TCF7L2: variants seen among roughly 807,000 people sequenced by gnomAD.
The protein encoded by TCF7L2 is transcription factor 7-like 2.
A neutral mutation model predicts 77.9 loss-of-function variants in TCF7L2; 23 were observed. The observed-to-expected ratio is 0.30, with a 90% CI of 0.21 to 0.42. The LOEUF (loss-of-function observed/expected upper bound fraction) is 0.42. Among genes scored for constraint, TCF7L2 ranks in the 10% least tolerant of loss-of-function variants. The probability of loss-of-function intolerance (pLI) is 1.00; values close to 1 mark genes in which losing one functional copy is unlikely to be tolerated. For synonymous variants in TCF7L2, 413 were observed against 340.2 expected, an observed-to-expected ratio of 1.21 and a Z score of -2.36; for missense variants, 654 against 793.1, an observed-to-expected ratio of 0.82 and a Z score of 2.11.
intron 8 of TCF7L2, among the ~76,000 whole-genome samples, chr10:113,150,659 A>C (rs2070557804): frequency 6.6e-6 from 1 of 152,216 alleles, no homozygotes; most frequent in African/African-American, 2.4e-5. Context: ...CTTAGATGCC[A>C]CTAATAATGC....
intron 5 of TCF7L2, among the ~76,000 whole-genome samples, chr10:113,123,481 C>T (rs2065105685): frequency 6.6e-6 from 1 of 152,132 alleles, no homozygotes; most frequent in African/African-American, 2.4e-5. Flanking sequence ...TCTAGATAAA[C>T]AGGTGATGGG....
At chr10:113,112,987 C>T (rs775803959) in intron 5 of TCF7L2, among the ~76,000 whole-genome samples, 28 of 152,126 alleles carry the variant, frequency 1.8e-4, no homozygotes, top group Non-Finnish European at 2.9e-4. Context: ...CCTCTGCTTC[C>T]AATTCATTTG....
At chr10:113,069,336 C>T (rs2057664653) in intron 5 of TCF7L2, among the ~76,000 whole-genome samples, 1 of 151,880 alleles carries the variant, frequency 6.6e-6, no homozygotes, top group Non-Finnish European at 1.5e-5. Flanking sequence ...TCAAGCAATT[C>T]TCCTGCCTCA....
At chr10:113,118,310 G>A (rs2136229669) in intron 5 of TCF7L2, among the ~76,000 whole-genome samples, 1 of 152,282 alleles carries the variant, frequency 6.6e-6, no homozygotes, top group African/African-American at 2.4e-5. Flanking sequence ...TGTCTGTCTT[G>A]AGGTGATCAG....
chr10:113,123,676 A>G (rs1178675712), intron 5 of TCF7L2, among the ~76,000 whole-genome samples: 1 of 152,210 alleles, frequency 6.6e-6, no homozygotes, highest in African/African-American at 2.4e-5. Context: ...ATATATCCTT[A>G]AGTGAATCAT....
intron 4 of TCF7L2, 82 bp downstream of exon 4, chr10:112,964,706 A>G: frequency 1.8e-6 from 2 of 1,091,798 alleles, no homozygotes; most frequent in Non-Finnish European, 2.7e-6. Flanking sequence ...CCTTCCCCCA[A>G]CTGAGATAAT....
At chr10:113,000,925 C>T (rs1013356539) in intron 4 of TCF7L2, among the ~76,000 whole-genome samples, 9 of 152,340 alleles carry the variant, frequency 5.9e-5, no homozygotes, top group Middle Eastern at 3.4e-3. Flanking sequence ...CTTCACTTCC[C>T]GGCCTTCCAC....
Position 112,963,447 on chromosome 10 carries a change from C to T in TCF7L2, c.382-1109C>T, listed in dbSNP as rs544359985. The stretch of plus-strand genomic sequence containing the variant: ...AGTAGTAATAGCACAGGAGTAGTAA[C>T]GGTAGTTTATTATAATACTACAGAT... On this transcript the variant is annotated intron_variant, in intron 3 of 13. Coordinates refer to ENST00000627217, the MANE Select transcript of TCF7L2 (RefSeq NM_001146274.2). Among the ~76,000 whole-genome samples, 7 of 152,236 alleles carry T rather than the reference C, an allele frequency of 4.6e-5. 2 individuals carry two copies. The highest frequency in any genetic ancestry group is 1.9e-4 in the East Asian group (1 of 5,180).
chr10:112,993,201 G>C (rs1252227751), intron 4 of TCF7L2, among the ~76,000 whole-genome samples: 1 of 152,186 alleles, frequency 6.6e-6, no homozygotes, highest in Non-Finnish European at 1.5e-5. Flanking sequence ...CCTGGAGAAT[G>C]GGTCTTTATT....
chr10:113,089,435 T>C, intron 5 of TCF7L2: 1 of 1,613,824 alleles, frequency 6.2e-7, no homozygotes, highest in Non-Finnish European at 8.5e-7. Flanking sequence ...GACATGACTG[T>C]CAGCACTTCT....
intron 5 of TCF7L2, among the ~76,000 whole-genome samples, chr10:113,114,995 G>T (rs1234155874): frequency 2.0e-5 from 3 of 152,164 alleles, no homozygotes; most frequent in Admixed American, 2.0e-4. Flanking sequence ...AGTTCTAATT[G>T]CAGTTAAAAC....
intron 4 of TCF7L2, among the ~76,000 whole-genome samples, chr10:113,022,284 C>T (rs917753675): frequency 9.9e-5 from 15 of 152,096 alleles, no homozygotes; most frequent in African/African-American, 3.1e-4. Context: ...TCTGTGTGTC[C>T]GCTGTGGGCA....
intron 4 of TCF7L2, among the ~76,000 whole-genome samples, chr10:112,980,505 C>G (rs1238173505): frequency 2.0e-5 from 3 of 152,138 alleles, no homozygotes; most frequent in Non-Finnish European, 2.9e-5. Flanking sequence ...CAGGAGTGTT[C>G]CGGGAGTCAC....
chr10:112,975,724 C>T (rs760599337), intron 4 of TCF7L2, among the ~76,000 whole-genome samples: 3 of 152,144 alleles, frequency 2.0e-5, no homozygotes, highest in African/African-American at 4.8e-5. Flanking sequence ...TCAAGTGATC[C>T]GCCCGTCTCG....
chr10:113,126,817 T>TG, intron 5 of TCF7L2: 1 of 986,728 alleles, frequency 1.0e-6, no homozygotes, highest in African/African-American at 1.7e-5. Flanking sequence ...GGGCAGCATC[T>TG]GGGCGCAGGC....
intron 4 of TCF7L2, among the ~76,000 whole-genome samples, chr10:113,036,003 T>A (rs1031630669): frequency 6.6e-6 from 1 of 152,090 alleles, no homozygotes; most frequent in Non-Finnish European, 1.5e-5. Flanking sequence ...CCCGTCCATC[T>A]GTGGAGCAGA....
At position 113,147,108 on chromosome 10, in the gene TCF7L2, T is replaced by C. The variant is rs1406334162; in HGVS notation, c.875+1011T>C. 5.9e-5 allele frequency among the ~76,000 whole-genome samples: 9 copies of C among 152,248 alleles called. No individual in the cohort carries two copies. In the South Asian group the frequency reaches 1.9e-3, roughly 32 times the overall value. On this transcript the variant is annotated intron_variant, in intron 8 of 13. Transcript: ENST00000627217. ...CGCTAATTGTTTCTAATGATAGTTT[T>C]ATTTTCTGTTCATCTGATTTTCAGT...
intron 5 of TCF7L2, among the ~76,000 whole-genome samples, chr10:113,123,834 T>G (rs1010477256): frequency 6.6e-6 from 1 of 152,254 alleles, no homozygotes; most frequent in African/African-American, 2.4e-5. Flanking sequence ...TTTATTGCTT[T>G]CTTGTATTCT....
chr10:112,966,328 C>T (rs578097681), intron 4 of TCF7L2, among the ~76,000 whole-genome samples: 2 of 151,654 alleles, frequency 1.3e-5, no homozygotes, highest in South Asian at 2.1e-4. Flanking sequence ...CCAAGACTGA[C>T]ATGTCTTTAA....
Sources: allele counts gnomAD v4.1 joint callset (sites outside exome capture counted in the v4.1 genomes callset), GRCh38; gene constraint gnomAD v4.1.1; transcripts MANE v1.5; gene names NCBI Gene and HGNC (gene_info 2026-07-23, HGNC 2026-07-21).